RYR1: variants seen among roughly 807,000 people sequenced by gnomAD.
RYR1 encodes central core disease of muscle.
In RYR1, 342 loss-of-function variants were observed where a neutral mutation model predicts 583.5. That is an observed-to-expected ratio of 0.59 (90% CI 0.54 to 0.64). The LOEUF (loss-of-function observed/expected upper bound fraction) is 0.64. RYR1 is among the 30% of genes least tolerant of loss of function. The pLI is 0.00. For missense variants in RYR1, 6,032 were observed against 6,917.2 expected (o/e 0.87, Z 4.54); for synonymous variants, 2,791 against 2,822.5 (o/e 0.99, Z 0.35).
chr19:38,527,885 G>A (rs776145824), intron 73 of RYR1, 101 bp downstream of exon 73: 6 of 1,432,466 alleles, frequency 4.2e-6, no homozygotes, highest in East Asian at 2.3e-5. Flanking sequence ...TGACTATTAA[G>A]TTTTGGGGCA....
chr19:38,543,954 T>A lies in RYR1; in HGVS notation c.12012+79T>A. 1 of 1,390,926 alleles carries A rather than the reference T, an allele frequency of 7.2e-7. No individual in the cohort carries two copies. Among genetic ancestry groups the A allele is most frequent in the Non-Finnish European group, 1.0e-6 (1 of 1,002,740 alleles). 86.2% of individuals were successfully genotyped at this position (1,390,926 alleles called of 1,614,324 possible). On this transcript the variant is annotated intron_variant, in intron 87 of 105. Transcript: ENST00000359596. The surrounding 1 kb of genome is among the most constrained non-coding windows in gnomAD (Gnocchi z 4.4). ...CCATTTCCAAGTCTTGCCCCTTTGG[T>A]CAGTTTGTCACCCGAGTGCTCCCGG...
Position 38,451,998 on chromosome 19 carries a change from A to G in RYR1, c.1244+113A>G, listed in dbSNP as rs1436100943. The G allele has an allele frequency of 1.2e-5, 18 of 1,468,696 alleles. No homozygotes were observed. In the East Asian group the frequency reaches 1.4e-4, roughly 11 times the overall value. 91.0% of individuals were successfully genotyped at this position (1,468,696 alleles called of 1,614,324 possible). A position where few individuals can be genotyped will look rare whatever the true frequency, so the allele number is the denominator to read the frequency against. On this transcript the variant is annotated intron_variant, in intron 12 of 105. Transcript: ENST00000359596. ...TCTGTTGCCCACACCCTTGTCTAACATATACATGGGCCAAGCGCAGTGGCT... is the reference window on the plus strand; with the variant it reads ...TCTGTTGCCCACACCCTTGTCTAACGTATACATGGGCCAAGCGCAGTGGCT...
chr19:38,524,039 G>A (rs1210429845), intron 70 of RYR1, 110 bp downstream of exon 70: 41 of 894,704 alleles, frequency 4.6e-5, no homozygotes, highest in African/African-American at 1.5e-4. Flanking sequence ...CCCCACCCCC[G>A]TCCTCCCCTC....
At chr19:38,574,956 C>T (rs962225698) in intron 96 of RYR1, among the ~76,000 whole-genome samples, 79 of 150,028 alleles carry the variant, frequency 5.3e-4, no homozygotes, top group African/African-American at 1.9e-3. Flanking sequence ...AGAAGAATGG[C>T]GTGAACCGAG....
chr19:38,555,549 C>T (rs1293733887), intron 89 of RYR1, among the ~76,000 whole-genome samples: 4 of 151,730 alleles, frequency 2.6e-5, no homozygotes, highest in African/African-American at 4.8e-5. Context: ...ACAATGTCAT[C>T]ACTCCTAACC....
At chr19:38,438,761 G>A (rs985054520) in intron 1 of RYR1, among the ~76,000 whole-genome samples, 2 of 151,344 alleles carry the variant, frequency 1.3e-5, no homozygotes, top group Admixed American at 6.6e-5. Flanking sequence ...TGGGACTACA[G>A]GCGCCCGCCA....
Position 38,496,836 on chromosome 19 carries a change from T to C in RYR1, c.6797-24T>C. The C allele has an allele frequency of 6.3e-7, 1 of 1,598,312 alleles. No homozygotes were observed. The highest frequency in any genetic ancestry group is 8.6e-7 in the Non-Finnish European group (1 of 1,166,452). The stretch of plus-strand genomic sequence containing the variant: ...GGCGAGACAAGCAGGAGTGAGATGT[T>C]CTCCCCACCTCTCGCCCCTGCAGGC... On this transcript the variant is annotated intron_variant, in intron 41 of 105. Transcript: ENST00000359596. This position sits in a 1 kb window ranked among gnomAD's most constrained non-coding sequence, Gnocchi z 4.8.
At chr19:38,481,846 G>A (rs572322567) in intron 31 of RYR1, among the ~76,000 whole-genome samples, 2 of 152,238 alleles carry the variant, frequency 1.3e-5, no homozygotes, top group East Asian at 3.9e-4. Flanking sequence ...CCAGCACTTT[G>A]GGAGGCCGAG....
intron 34 of RYR1, among the ~76,000 whole-genome samples, chr19:38,487,275 A>T (rs1428261764): frequency 1.3e-5 from 2 of 151,988 alleles, no homozygotes; most frequent in Non-Finnish European, 1.5e-5. Context: ...CCTTCTCTCC[A>T]TCCCTTGTAT....
intron 84 of RYR1, among the ~76,000 whole-genome samples, chr19:38,542,996 C>G (rs1161411922): frequency 6.6e-6 from 1 of 151,704 alleles, no homozygotes; most frequent in Non-Finnish European, 1.5e-5. Flanking sequence ...TGCCCACCAC[C>G]ACACCCAGCT....
At chr19:38,503,252 G>A (rs1970284522) in intron 49 of RYR1, among the ~76,000 whole-genome samples, 1 of 152,134 alleles carries the variant, frequency 6.6e-6, no homozygotes, top group African/African-American at 2.4e-5. Flanking sequence ...TTTGCATGGA[G>A]CACACCACTT....
At position 38,561,106 on chromosome 19, in the gene RYR1, C is replaced by T. The variant is rs143861818; in HGVS notation, c.12283-7C>T. ...GTCACCCCACTGACCTCCCTGCCCG[C>T]CCCCAGGCCATGGACAGCCAGAAGC... On this transcript the variant is annotated splice_region_variant and splice_polypyrimidine_tract_variant and intron_variant, in intron 89 of 105. Transcript: ENST00000359596. The surrounding 1 kb of genome is among the most constrained non-coding windows in gnomAD (Gnocchi z 4.8). The T allele has an allele frequency of 2.9e-3, 4,637 of 1,613,794 alleles. 12 individuals carry two copies. The highest frequency in any genetic ancestry group is 3.5e-3 in the Non-Finnish European group (4,147 of 1,179,830).
chr19:38,477,573 G>T, intron 29 of RYR1, 137 bp from the exon 30 acceptor site: 1 of 972,906 alleles, frequency 1.0e-6, no homozygotes. Context: ...TAACCAGGGG[G>T]TGGGGGACTC....
intron 100 of RYR1, 35 bp from the exon 101 acceptor site, chr19:38,580,335 A>C (rs778132275): frequency 6.2e-7 from 1 of 1,612,504 alleles, no homozygotes; most frequent in Non-Finnish European, 8.5e-7. Flanking sequence ...GGGCAAGCCC[A>C]GGGCGGAGCT....
intron 23 of RYR1, among the ~76,000 whole-genome samples, chr19:38,465,771 AAAAC>A (rs1968064499): frequency 6.6e-6 from 1 of 152,160 alleles, no homozygotes; most frequent in Non-Finnish European, 1.5e-5. Flanking sequence ...TATCAAAAAA[AAAAC>A]AAAGAGAGAG....
chr19:38,438,614 G>GTTTT (rs1186571724), intron 1 of RYR1, among the ~76,000 whole-genome samples: 1 of 76,652 alleles, frequency 1.3e-5, no homozygotes, highest in East Asian at 6.7e-4. Context: ...GCCCAGGCTA[G>GTTTT]TCTTTTTTTT....
At position 38,543,754 on chromosome 19, in the gene RYR1, G is replaced by A. The variant is rs1600988900; in HGVS notation, c.11908-17G>A. ...TCGGGGATTCCCTTCCCCCCCACAC[G>A]GCACTCTGCCTCCCAGGGTCCCTGC... On this transcript the variant is annotated splice_polypyrimidine_tract_variant and intron_variant, in intron 86 of 105. Coordinates refer to ENST00000359596, the MANE Select transcript of RYR1 (RefSeq NM_000540.3). This position sits in a 1 kb window ranked among gnomAD's most constrained non-coding sequence, Gnocchi z 4.4. 6 of 1,611,908 alleles carry A rather than the reference G, an allele frequency of 3.7e-6. No individual in the cohort carries two copies. The highest frequency in any genetic ancestry group is 5.1e-6 in the Non-Finnish European group (6 of 1,179,950).
At chr19:38,447,153 G>A (rs1194956808) in intron 9 of RYR1, among the ~76,000 whole-genome samples, 2 of 152,086 alleles carry the variant, frequency 1.3e-5, no homozygotes, top group Admixed American at 1.3e-4. Context: ...CGAGCCCAGC[G>A]GGTCAAGGCT....
At chr19:38,454,404 T>C (rs930943268) in intron 13 of RYR1, among the ~76,000 whole-genome samples, 14 of 152,248 alleles carry the variant, frequency 9.2e-5, no homozygotes, top group Non-Finnish European at 1.6e-4. Flanking sequence ...TGAAGTGCTG[T>C]CTAGCTTTCC....
Sources: gnomAD v4.1 joint callset for allele counts (sites outside exome capture counted in the v4.1 genomes callset) on GRCh38, gnomAD v4.1.1 for gene constraint, Gnocchi (gnomAD v3.1) non-coding constraint, MANE v1.5 for transcripts, NCBI Gene and HGNC (gene_info 2026-07-23, HGNC 2026-07-21) for gene names.